LMBR1: variants seen among roughly 807,000 people sequenced by gnomAD.
LMBR1 encodes the protein limb region 1 protein homolog.
LMBR1 carries 52 observed loss-of-function variants against 73.9 expected under a neutral mutation model. The ratio of observed to expected loss-of-function variants is 0.70; its 90% CI spans 0.56 to 0.89. The LOEUF (loss-of-function observed/expected upper bound fraction) is 0.89, where lower values mean the gene tolerates loss of function less well. Ranked by LOEUF, LMBR1 falls within the 40% of genes least tolerant of loss-of-function variation. The pLI, the probability that LMBR1 is intolerant of heterozygous loss-of-function variation, is 0.00. For synonymous variants in LMBR1, 215 were observed against 209.4 expected (o/e 1.03, Z -0.23); for missense variants, 539 against 579.8 (o/e 0.93, Z 0.72).
chr7:156,753,051 A>T (rs1461757355), intron 9 of LMBR1, among the ~76,000 whole-genome samples: 1 of 152,150 alleles, frequency 6.6e-6, no homozygotes, highest in East Asian at 1.9e-4. Context: ...GTGCTAGAAG[A>T]AGTGAACTGG....
At chr7:156,734,879 C>T (rs187489121) in intron 9 of LMBR1, among the ~76,000 whole-genome samples, 8 of 152,284 alleles carry the variant, frequency 5.3e-5, no homozygotes, top group Non-Finnish European at 8.8e-5. Context: ...TTCACACATA[C>T]ATATGTATCA....
In LMBR1 at chr7:156,680,854, A is replaced by G; in HGVS notation, c.*3224T>C. Reference sequence around the variant, plus strand: ...ACAAAAGAACAAATAAACCCCACATATAAATGCTTATAAACCAAATATGAA... The same window carrying G: ...ACAAAAGAACAAATAAACCCCACATGTAAATGCTTATAAACCAAATATGAA... On this transcript the variant is annotated 3_prime_UTR_variant, in exon 17 of 17. Transcript: ENST00000353442. The G allele has an allele frequency of 4.6e-6, 1 of 218,768 alleles. No individual in the cohort carries two copies. The highest frequency in any genetic ancestry group is 9.0e-6 in the Non-Finnish European group (1 of 111,248). 13.6% of individuals were successfully genotyped at this position (218,768 alleles called of 1,614,324 possible). A position where few individuals can be genotyped will look rare whatever the true frequency, so the allele number is the denominator to read the frequency against.
chr7:156,799,545 C>A (rs116994343), intron 4 of LMBR1, among the ~76,000 whole-genome samples: 4,845 of 148,726 alleles, frequency 0.033, 123 homozygotes, highest in South Asian at 0.087. Context: ...TGCACCTCTG[C>A]TTGGCTGTTC....
chr7:156,875,564 A>G (rs950350163), intron 1 of LMBR1, among the ~76,000 whole-genome samples: 1 of 152,220 alleles, frequency 6.6e-6, no homozygotes, highest in Non-Finnish European at 1.5e-5. Flanking sequence ...AAGAGCTGTG[A>G]GGCAAAAGCA....
chr7:156,784,118 T>C (rs1424225184), intron 5 of LMBR1, among the ~76,000 whole-genome samples: 1 of 152,082 alleles, frequency 6.6e-6, no homozygotes, highest in Admixed American at 6.5e-5. Context: ...GAGGACTAGA[T>C]ATCCTTAAGT....
chr7:156,674,923 C>A (rs991222709), downstream of LMBR1, among the ~76,000 whole-genome samples: 3 of 152,184 alleles, frequency 2.0e-5, no homozygotes, highest in African/African-American at 7.2e-5. Flanking sequence ...TGTGTTCCTG[C>A]TAATGGTCAA....
chr7:156,855,666 C>CAAAAAAAA lies in LMBR1; in HGVS notation c.67-18789_67-18782dup, dbSNP rs35231167. ...CACAGACCAACAAACAACGTAAATA[C>CAAAAAAAA]AAAAAAAAAAAAAAAAAAAAACCTA... On this transcript the variant is annotated intron_variant, in intron 1 of 16. Coordinates refer to ENST00000353442, the MANE Select transcript of LMBR1 (RefSeq NM_022458.4). 2.1e-4 allele frequency among the ~76,000 whole-genome samples: 18 copies of CAAAAAAAA among 87,218 alleles called. 1 individual carries two copies. Among genetic ancestry groups the CAAAAAAAA allele is most frequent in the Admixed American group, 5.2e-4 (4 of 7,750 alleles). The allele number at this position is 87,218 out of a possible 152,430, so 57.2% of individuals were successfully genotyped here.
chr7:156,793,569 A>T (rs1829594608), intron 5 of LMBR1, among the ~76,000 whole-genome samples: 1 of 152,196 alleles, frequency 6.6e-6, no homozygotes, highest in African/African-American at 2.4e-5. Flanking sequence ...AAACCGCCTG[A>T]GATAATAATC....
chr7:156,854,290 A>T (rs1436021015), intron 1 of LMBR1, among the ~76,000 whole-genome samples: 2 of 152,264 alleles, frequency 1.3e-5, no homozygotes, highest in Non-Finnish European at 2.9e-5. Context: ...ACTGTAATTG[A>T]TGAATTACTA....
chr7:156,892,249 T>C lies in LMBR1; in HGVS notation c.66+679A>G, dbSNP rs564582370. On this transcript the variant is annotated intron_variant, in intron 1 of 16. Coordinates refer to ENST00000353442, the MANE Select transcript of LMBR1 (RefSeq NM_022458.4). Reference sequence around the variant, plus strand: ...CTCCCAAAAATAACCAATATTCTCATCCCAAACGGTAAGGTTTCGAACTCA... The same window carrying C: ...CTCCCAAAAATAACCAATATTCTCACCCCAAACGGTAAGGTTTCGAACTCA... Among the ~76,000 whole-genome samples the C allele has an allele frequency of 1.9e-3, 294 of 152,260 alleles. 1 individual carries two copies. The highest frequency in any genetic ancestry group is 8.9e-3 in the South Asian group (43 of 4,820).
At position 156,842,648 on chromosome 7, in the gene LMBR1, C is replaced by A. The variant is rs181821199; in HGVS notation, c.67-5763G>T. The stretch of plus-strand genomic sequence containing the variant: ...TTTTTGCTTACACAGTTTTTAATTT[C>A]TTTTAATTCCTATTCCAGAAGGAGT... On this transcript the variant is annotated intron_variant, in intron 1 of 16. Coordinates refer to ENST00000353442, the MANE Select transcript of LMBR1 (RefSeq NM_022458.4). Among the ~76,000 whole-genome samples the A allele has an allele frequency of 3.3e-5, 5 of 152,268 alleles. No individual in the cohort carries two copies. In the South Asian group the frequency reaches 6.2e-4, roughly 19 times the overall value.
intron 8 of LMBR1, among the ~76,000 whole-genome samples, chr7:156,760,083 A>T (rs2132865769): frequency 6.6e-6 from 1 of 152,320 alleles, no homozygotes; most frequent in Admixed American, 6.5e-5. Flanking sequence ...GCAGGTGACC[A>T]GCGAACAGAT....
intron 15 of LMBR1, among the ~76,000 whole-genome samples, chr7:156,692,261 G>A (rs1807366560): frequency 6.6e-6 from 1 of 152,178 alleles, no homozygotes; most frequent in African/African-American, 2.4e-5. Context: ...ATTTTTAGTA[G>A]AGATGGGGTT....
chr7:156,827,295 G>A (rs959550960), intron 3 of LMBR1, among the ~76,000 whole-genome samples: 1 of 151,956 alleles, frequency 6.6e-6, no homozygotes, highest in Non-Finnish European at 1.5e-5. Context: ...AAACAGTATT[G>A]TACTATTAAT....
chr7:156,728,814 T>C, intron 10 of LMBR1, 94 bp from the exon 11 acceptor site: 1 of 870,068 alleles, frequency 1.1e-6, no homozygotes, highest in Non-Finnish European at 1.8e-6. Flanking sequence ...TAATTTCTTT[T>C]TAAAAAACAT....
chr7:156,688,236 A>T (rs1290339963), intron 15 of LMBR1, 45 bp from the exon 16 acceptor site: 1 of 1,404,874 alleles, frequency 7.1e-7, no homozygotes. Flanking sequence ...TCAGGTTAAG[A>T]CATATTTAGT....
intron 15 of LMBR1, among the ~76,000 whole-genome samples, chr7:156,708,684 G>A (rs936539121): frequency 6.6e-6 from 1 of 152,166 alleles, no homozygotes; most frequent in Non-Finnish European, 1.5e-5. Context: ...TCTGGTAGGG[G>A]GGCAGGGTGC....
At chr7:156,851,206 T>C (rs1253150401) in intron 1 of LMBR1, among the ~76,000 whole-genome samples, 1 of 152,162 alleles carries the variant, frequency 6.6e-6, no homozygotes, top group Non-Finnish European at 1.5e-5. Context: ...CAAAATGAAC[T>C]AACACACCCT....
intron 15 of LMBR1, among the ~76,000 whole-genome samples, chr7:156,717,255 C>T (rs747835374): frequency 2.2e-4 from 33 of 152,154 alleles, no homozygotes; most frequent in Middle Eastern, 3.2e-3. Flanking sequence ...TCTGGTTTGA[C>T]CACTTGGATA....
Sources: allele counts gnomAD v4.1 joint callset (sites outside exome capture counted in the v4.1 genomes callset), GRCh38; gene constraint gnomAD v4.1.1; transcripts MANE v1.5; gene names NCBI Gene and HGNC (gene_info 2026-07-23, HGNC 2026-07-21).